HS3ST4: variants seen among roughly 807,000 people sequenced by gnomAD.
The protein encoded by HS3ST4 is heparan sulfate glucosamine 3-O-sulfotransferase 4.
HS3ST4 carries 17 observed loss-of-function variants against 29.2 expected under a neutral mutation model. The observed-to-expected ratio is 0.58, with a 90% CI of 0.40 to 0.87. The LOEUF (loss-of-function observed/expected upper bound fraction) is 0.87, where lower values mean the gene tolerates loss of function less well. Ranked by LOEUF, HS3ST4 falls within the 40% of genes least tolerant of loss-of-function variation. HS3ST4 has a pLI of 0.00. For synonymous variants in HS3ST4, 314 were observed against 285.7 expected (o/e 1.10, Z -1.00); for missense variants, 627 against 634.5 (o/e 0.99, Z 0.13).
intron 1 of HS3ST4, among the ~76,000 whole-genome samples, chr16:25,794,679 T>G (rs918672506): frequency 3.3e-5 from 5 of 152,082 alleles, no homozygotes; most frequent in African/African-American, 4.8e-5. Flanking sequence ...TTTCTCTGTT[T>G]GTTTCATTTT....
In HS3ST4 at chr16:26,115,264, T is replaced by TACACACAC. The variant is rs368821262; in HGVS notation, c.735-20347_735-20346insCACACACA. Among the ~76,000 whole-genome samples the TACACACAC allele has an allele frequency of 7.9e-3, 1,084 of 136,610 alleles. 12 individuals are homozygous for TACACACAC. The highest frequency in any genetic ancestry group is 0.025 in the African/African-American group (1,013 of 40,124). 89.6% of individuals were successfully genotyped at this position (136,610 alleles called of 152,430 possible). On this transcript the variant is annotated intron_variant, in intron 1 of 1. Coordinates refer to ENST00000331351, the MANE Select transcript of HS3ST4 (RefSeq NM_006040.3). ...GTGTGTGTATATATATATACATATA[T>TACACACAC]ATACACACACACACACACACACAAG...
intron 1 of HS3ST4, among the ~76,000 whole-genome samples, chr16:25,863,186 C>G (rs1474452937): frequency 6.6e-6 from 1 of 152,100 alleles, no homozygotes; most frequent in Non-Finnish European, 1.5e-5. Context: ...AGGGTTCAAG[C>G]AATTTTCCTG....
intron 1 of HS3ST4, among the ~76,000 whole-genome samples, chr16:25,806,372 C>T (rs1224820530): frequency 2.0e-5 from 3 of 151,954 alleles, no homozygotes; most frequent in African/African-American, 4.8e-5. Context: ...GTCCAATCCT[C>T]GTGCCTCCAT....
chr16:25,721,566 G>C (rs986987749), intron 1 of HS3ST4, among the ~76,000 whole-genome samples: 1 of 152,188 alleles, frequency 6.6e-6, no homozygotes, highest in African/African-American at 2.4e-5. Context: ...CCACATGTGG[G>C]ATGGCCCAGT....
intron 1 of HS3ST4, among the ~76,000 whole-genome samples, chr16:25,969,966 C>A (rs1222791720): frequency 6.6e-6 from 1 of 152,188 alleles, no homozygotes; most frequent in Non-Finnish European, 1.5e-5. Context: ...GCCCCAAACA[C>A]GAATGCTGCT....
At chr16:25,798,315 C>T (rs997835850) in intron 1 of HS3ST4, among the ~76,000 whole-genome samples, 6 of 152,186 alleles carry the variant, frequency 3.9e-5, no homozygotes, top group Non-Finnish European at 8.8e-5. Context: ...AGCCCCAAAT[C>T]TCTGGCTTAC....
rs1171519350 is a variant in HS3ST4 at position 25,771,452 on chromosome 16, A to AC, written c.734+78305dup. The stretch of plus-strand genomic sequence containing the variant: ...GGTTTCACATGCTAAGTGATTTCCT[A>AC]CCCCAGGGCCTTTGCACAGACTCTC... On this transcript the variant is annotated intron_variant, in intron 1 of 1. Coordinates refer to ENST00000331351, the MANE Select transcript of HS3ST4 (RefSeq NM_006040.3). Among the ~76,000 whole-genome samples the AC allele has an allele frequency of 7.3e-5, 11 of 151,478 alleles. No individual in the cohort carries two copies. The East Asian group carries it at 2.1e-3, about 29-fold the overall frequency.
At chr16:25,804,310 C>G (rs1379838192) in intron 1 of HS3ST4, among the ~76,000 whole-genome samples, 1 of 152,128 alleles carries the variant, frequency 6.6e-6, no homozygotes, top group African/African-American at 2.4e-5. Flanking sequence ...TCTTCTGCAT[C>G]CAGAAAGAGC....
At chr16:26,077,580 C>T (rs974626551) in intron 1 of HS3ST4, among the ~76,000 whole-genome samples, 2 of 152,198 alleles carry the variant, frequency 1.3e-5, no homozygotes, top group African/African-American at 2.4e-5. Context: ...CCAAAAAGTC[C>T]CCTTTTGGAA....
chr16:26,003,763 C>T (rs1344114339), intron 1 of HS3ST4, among the ~76,000 whole-genome samples: 1 of 152,094 alleles, frequency 6.6e-6, no homozygotes, highest in African/African-American at 2.4e-5. Flanking sequence ...TGGGGTGTTT[C>T]AGCATGGCAC....
chr16:25,798,426 C>T (rs1343048541), intron 1 of HS3ST4, among the ~76,000 whole-genome samples: 1 of 152,190 alleles, frequency 6.6e-6, no homozygotes, highest in Non-Finnish European at 1.5e-5. Flanking sequence ...GCTAATAGAG[C>T]TCCCCTCATC....
At chr16:25,928,009 G>A (rs535510596) in intron 1 of HS3ST4, among the ~76,000 whole-genome samples, 2 of 121,250 alleles carry the variant, frequency 1.6e-5, no homozygotes, top group South Asian at 5.4e-4. Context: ...GACAAGCCTG[G>A]ATAATGTGGA....
chr16:26,090,518 G>A (rs920657539), intron 1 of HS3ST4, among the ~76,000 whole-genome samples: 14 of 151,916 alleles, frequency 9.2e-5, no homozygotes, highest in Admixed American at 2.6e-4. Context: ...TTTCCCATGG[G>A]AGTGGGCTCT....
chr16:25,832,927 G>A (rs1967319419), intron 1 of HS3ST4, among the ~76,000 whole-genome samples: 1 of 152,220 alleles, frequency 6.6e-6, no homozygotes, highest in African/African-American at 2.4e-5. Context: ...TGAATGGTCT[G>A]GGTCTGGCTG....
At chr16:25,972,726 C>A (rs578046557) in intron 1 of HS3ST4, among the ~76,000 whole-genome samples, 14 of 152,188 alleles carry the variant, frequency 9.2e-5, no homozygotes, top group African/African-American at 3.1e-4. Context: ...GTCTTTAGGT[C>A]CAGCCCACAC....
intron 1 of HS3ST4, among the ~76,000 whole-genome samples, chr16:25,995,401 T>C (rs964228645): frequency 6.6e-6 from 1 of 152,224 alleles, no homozygotes; most frequent in African/African-American, 2.4e-5. Context: ...TTTTTATCTA[T>C]TCTGCGTAAT....
chr16:25,961,814 A>G (rs1968795496), intron 1 of HS3ST4, among the ~76,000 whole-genome samples: 1 of 124,438 alleles, frequency 8.0e-6, no homozygotes. Flanking sequence ...GACAAAAAAA[A>G]ATTAATGACC....
At chr16:26,095,863 C>A (rs1215875891) in intron 1 of HS3ST4, among the ~76,000 whole-genome samples, 1 of 152,068 alleles carries the variant, frequency 6.6e-6, no homozygotes, top group Non-Finnish European at 1.5e-5. Flanking sequence ...AATTGATAGA[C>A]CACTAGCAAG....
intron 1 of HS3ST4, among the ~76,000 whole-genome samples, chr16:26,126,957 A>G (rs1167410005): frequency 1.3e-5 from 2 of 152,008 alleles, no homozygotes; most frequent in African/African-American, 4.8e-5. Flanking sequence ...CTCCCTGGAG[A>G]TAAAAATTAG....
Sources: allele counts gnomAD v4.1 joint callset (sites outside exome capture counted in the v4.1 genomes callset), GRCh38; gene constraint gnomAD v4.1.1; transcripts MANE v1.5; gene names NCBI Gene and HGNC (gene_info 2026-07-23, HGNC 2026-07-21).